The following CXorf38 variants were observed in gnomAD, a reference collection of about 807,000 sequenced individuals.
CXorf38 encodes the protein uncharacterized protein CXorf38.
Under a neutral mutation model 27.5 loss-of-function variants are expected in CXorf38, and 13 were observed. That is an observed-to-expected ratio of 0.47 (90% confidence interval 0.31 to 0.75). The LOEUF (loss-of-function observed/expected upper bound fraction) is 0.75. Among genes scored for constraint, CXorf38 ranks in the 30% least tolerant of loss-of-function variants. CXorf38 has a pLI of 0.05. For synonymous variants in CXorf38, 100 were observed against 99.8 expected (o/e 1.00, Z -0.01); for missense variants, 240 against 253.2 (o/e 0.95, Z 0.35).
intron 5 of CXorf38, among the ~76,000 whole-genome samples, chrX:40,634,971 C>T (rs1927999661): frequency 8.9e-6 from 1 of 112,206 alleles, no homozygotes; most frequent in Admixed American, 9.4e-5. Flanking sequence ...ATAAGATCTG[C>T]AGCACAGCAG....
At chrX:40,630,489 T>C (rs1015172126) in intron 6 of CXorf38, 125 bp downstream of exon 6, 10 of 655,566 alleles carry the variant, frequency 1.5e-5, no homozygotes, top group Non-Finnish European at 2.2e-5. Flanking sequence ...TTTGAAACAA[T>C]AAGGACAAAG....
chrX:40,633,753 T>G (rs1431368262), intron 5 of CXorf38, among the ~76,000 whole-genome samples: 1 of 112,264 alleles, frequency 8.9e-6, no homozygotes, highest in African/African-American at 3.2e-5. Flanking sequence ...TCACCAGGAT[T>G]TAAGAAATCA....
At chrX:40,638,479 C>A (rs1198957826) in intron 3 of CXorf38, among the ~76,000 whole-genome samples, 4 of 112,146 alleles carry the variant, frequency 3.6e-5, no homozygotes, top group Non-Finnish European at 7.5e-5. Context: ...CAGAGGAAAT[C>A]TAACAAGCAC....
rs183513576 is a variant in CXorf38 at position 40,646,961 on chromosome X, G to A, written c.351+46C>T. On this transcript the variant is annotated intron_variant, in intron 2 of 6. Transcript: ENST00000327877. Reference sequence around the variant, plus strand: ...AGACCAGATAGCCACCCCGAGTGCTGGGTGACCCGCCGCTTCCTCCTTCCG... The same window carrying A: ...AGACCAGATAGCCACCCCGAGTGCTAGGTGACCCGCCGCTTCCTCCTTCCG... The A allele has an allele frequency of 2.9e-5, 35 of 1,187,056 alleles. No individual in the cohort carries two copies. The Admixed American group carries it at 5.8e-4, about 20-fold the overall frequency.
intron 3 of CXorf38, 70 bp from the exon 4 acceptor site, chrX:40,637,226 A>G (rs1928113779): frequency 1.3e-6 from 1 of 799,703 alleles, no homozygotes; most frequent in Non-Finnish European, 1.7e-6. Flanking sequence ...TTTCACTCCA[A>G]AGAAAAAATC....
intron 3 of CXorf38, 146 bp downstream of exon 3, chrX:40,638,863 A>G: frequency 1.6e-6 from 1 of 635,187 alleles, no homozygotes; most frequent in Non-Finnish European, 2.2e-6. Flanking sequence ...CCCAAGTCTA[A>G]CTTTCTTTGT....
At position 40,647,366 on chromosome X, in the gene CXorf38, G is replaced by A. The variant is rs1239765456; in HGVS notation, c.155C>T (p.Pro52Leu). 8.6e-7 allele frequency: 1 copy of A among 1,160,683 alleles called. No homozygotes were observed. The highest frequency in any genetic ancestry group is 2.5e-5 in the Admixed American group (1 of 39,594). The change falls in exon 1 of 7, where the codon CCC (proline) becomes CTC (leucine). Residue 52 changes from proline to leucine, a missense_variant. Physicochemically the swap from Pro to Leu is moderately conservative, Grantham distance 98. Transcript: ENST00000327877. ...GCAGACGGCGCGGGGCCCCAGGCCG[G>A]GGGCTGCGGCGAGTAGGCCGCGGTG... The part of the protein sequence containing the change: ...SFHRGLLAAA[P>L]GLGPRAVCRG...
In CXorf38 at chrX:40,646,882, G is replaced by A. The variant is rs1431843705; in HGVS notation, c.351+125C>T. The A allele has an allele frequency of 5.9e-6, 5 of 853,582 alleles. No homozygotes were observed. The East Asian group carries it at 1.8e-4, about 30-fold the overall frequency. The allele number at this position is 853,582 out of a possible 1,213,427, so 70.3% of individuals were successfully genotyped here. On this transcript the variant is annotated intron_variant, in intron 2 of 6. Coordinates refer to ENST00000327877, the MANE Select transcript of CXorf38 (RefSeq NM_144970.3). ...CCGCATACCACCCCTGAACCGCCTA[G>A]ACCCTTGATCAATCTCTCTCTCTGC...
intron 3 of CXorf38, among the ~76,000 whole-genome samples, chrX:40,637,648 G>T (rs998378759): frequency 8.9e-6 from 1 of 112,190 alleles, no homozygotes; most frequent in African/African-American, 3.2e-5. Flanking sequence ...TGAGAAACTG[G>T]AAATTTAGAT....
At chrX:40,630,260 G>A (rs1490202774) in intron 6 of CXorf38, 98 bp from the exon 7 acceptor site, 2 of 133,906 alleles carry the variant, frequency 1.5e-5, no homozygotes, top group East Asian at 2.0e-4. Context: ...TTCTCCTTAT[G>A]GAAATTGACT....
At position 40,628,364 on chromosome X, in the gene CXorf38, T is replaced by G. The variant is rs1234960537; in HGVS notation, c.*1800A>C. On this transcript the variant is annotated 3_prime_UTR_variant, in exon 7 of 7. Transcript: ENST00000327877. ...GATAGGCACACATCTTCACTGGGCT[T>G]GGAATGGAGCCTTTCCTGCAGGCAG... 8.9e-6 allele frequency: 1 copy of G among 111,783 alleles called. No individual in the cohort carries two copies. The highest frequency in any genetic ancestry group is 2.8e-4 in the East Asian group (1 of 3,569). 9.2% of individuals were successfully genotyped at this position (111,783 alleles called of 1,213,427 possible). A position where few individuals can be genotyped will look rare whatever the true frequency, so the allele number is the denominator to read the frequency against.
chrX:40,631,878 G>A (rs1028454291), intron 5 of CXorf38, among the ~76,000 whole-genome samples: 2 of 111,392 alleles, frequency 1.8e-5, no homozygotes, highest in Non-Finnish European at 3.8e-5. Flanking sequence ...CGCACGGGGA[G>A]CGGGGAGGGA....
At chrX:40,645,818 A>G (rs754279550) in intron 2 of CXorf38, among the ~76,000 whole-genome samples, 1 of 110,719 alleles carries the variant, frequency 9.0e-6, no homozygotes, top group South Asian at 3.8e-4. Context: ...GGGTTTTGCC[A>G]TGTTATCCAG....
Position 40,647,119 on chromosome X carries a change from C to CA in CXorf38, c.238dup (p.Cys80LeufsTer3). 1 of 1,212,064 alleles carries CA rather than the reference C, an allele frequency of 8.3e-7. No individual in the cohort carries two copies. The highest frequency in any genetic ancestry group is 1.1e-6 in the Non-Finnish European group (1 of 895,431). ...CAAAATCTCCCTTTTCCATTCAGCG[C>CA]ACACCTGACACTGAGGCTGAAACTA... is the stretch of plus-strand genomic sequence containing the variant. On this transcript the variant is annotated frameshift_variant, in exon 2 of 7. Transcript: ENST00000327877. LOFTEE classifies it high-confidence loss of function.
intron 5 of CXorf38, among the ~76,000 whole-genome samples, chrX:40,633,675 C>T (rs990286391): frequency 2.4e-4 from 27 of 111,978 alleles, no homozygotes; most frequent in African/African-American, 8.7e-4. Context: ...CCCCAATGGC[C>T]TTGAGTACAC....
Position 40,637,074 on chromosome X carries a change from A to T in CXorf38, c.554T>A (p.Ile185Asn). 2.5e-6 allele frequency: 3 copies of T among 1,206,232 alleles called. No homozygotes were observed. The highest frequency in any genetic ancestry group is 3.5e-5 in the South Asian group (2 of 56,687). Reference protein sequence around the residue: ...STWLRDFQMKIQNFLNEFKNI... With the variant: ...STWLRDFQMKNQNFLNEFKNI... ...CTTGAATTCATTCAGAAAATTTTGGATCTTCATCTGAAAATCTCGAAGCCA... is the reference window on the plus strand; with the variant it reads ...CTTGAATTCATTCAGAAAATTTTGGTTCTTCATCTGAAAATCTCGAAGCCA... Residue 185 changes from isoleucine to asparagine, a missense_variant, in exon 4 of 7, where the codon ATC becomes AAC. Coordinates refer to ENST00000327877, the MANE Select transcript of CXorf38 (RefSeq NM_144970.3).
chrX:40,629,956 TATTGCA>T lies in CXorf38; in HGVS notation c.*202_*207del, dbSNP rs1360937450. On this transcript the variant is annotated 3_prime_UTR_variant, in exon 7 of 7. Coordinates refer to ENST00000327877, the MANE Select transcript of CXorf38 (RefSeq NM_144970.3). The stretch of plus-strand genomic sequence containing the variant: ...TTGGCATAGAGTATCTAATATTTTT[TATTGCA>T]ATAGATTATACAACCCCAAGTTTAT... 4.5e-5 allele frequency: 5 copies of T among 111,650 alleles called. No homozygotes were observed. Among genetic ancestry groups the T allele is most frequent in the African/African-American group, 1.6e-4 (5 of 30,681 alleles). The allele number at this position is 111,650 out of a possible 1,213,427, so 9.2% of individuals were successfully genotyped here.
Position 40,647,049 on chromosome X carries a change from G to A in CXorf38, c.309C>T (p.Cys103=), listed in dbSNP as rs1185078450. Residue 103 remains cysteine (C), a synonymous_variant, in exon 2 of 7, where the codon TGC becomes TGT. Coordinates refer to ENST00000327877, the MANE Select transcript of CXorf38 (RefSeq NM_144970.3). ...CGTCCACGGGCCAGCGGCCCGGCCG[G>A]CAGTTTCCCCAGTGCACATCTCCAT... The part of the protein sequence containing the change: ...NRNGDVHWGN[C]RPGRWPVDAW... 1 of 1,211,854 alleles carries A rather than the reference G, an allele frequency of 8.3e-7. No individual in the cohort carries two copies. Among genetic ancestry groups the A allele is most frequent in the African/African-American group, 1.7e-5 (1 of 57,958 alleles).
chrX:40,638,931 C>T, intron 3 of CXorf38, 78 bp downstream of exon 3: 1 of 1,109,837 alleles, frequency 9.0e-7, no homozygotes, highest in Middle Eastern at 2.5e-4. Flanking sequence ...CTTAGCATCA[C>T]AGGTGTAGCT....
Sources: gnomAD v4.1 joint callset for allele counts (sites outside exome capture counted in the v4.1 genomes callset) on GRCh38, gnomAD v4.1.1 for gene constraint, MANE v1.5 for transcripts, NCBI Gene and HGNC (gene_info 2026-07-23, HGNC 2026-07-21) for gene names.